CTNNA3: variants seen among roughly 807,000 people sequenced by gnomAD.
CTNNA3 encodes the protein catenin alpha-3.
Under a neutral mutation model 95.7 loss-of-function variants are expected in CTNNA3, and 76 were observed. The observed-to-expected ratio is 0.79, with a 90% CI of 0.66 to 0.96. The LOEUF (loss-of-function observed/expected upper bound fraction) is 0.96. CTNNA3 is among the 40% of genes least tolerant of loss of function. The pLI, the probability that CTNNA3 is intolerant of heterozygous loss-of-function variation, is 0.00. For synonymous variants in CTNNA3, 431 were observed against 374.4 expected (o/e 1.15, Z -1.74); for missense variants, 1,191 against 1,089.8 (o/e 1.09, Z -1.31).
chr10:66,663,576 A>G (rs4745909), intron 9 of CTNNA3, among the ~76,000 whole-genome samples: 99,043 of 151,436 alleles, frequency 0.65, 33,179 homozygotes, highest in East Asian at 0.95. Flanking sequence ...AATAAAAGCA[A>G]TTATTTTGTA....
intron 11 of CTNNA3, among the ~76,000 whole-genome samples, chr10:66,519,279 T>G (rs1358389037): frequency 6.6e-6 from 1 of 151,980 alleles, no homozygotes; most frequent in African/African-American, 2.4e-5. Flanking sequence ...TGGGATATTA[T>G]TCTAATTTGT....
rs541930822 is a variant in CTNNA3, at chr10:66,161,653, G to A, written c.1885-58404C>T. 3.9e-5 allele frequency among the ~76,000 whole-genome samples: 6 copies of A among 152,192 alleles called. No individual in the cohort carries two copies. The South Asian group carries it at 1.2e-3, about 32-fold the overall frequency. On this transcript the variant is annotated intron_variant, in intron 13 of 17. Coordinates refer to ENST00000433211, the MANE Select transcript of CTNNA3 (RefSeq NM_013266.4). The stretch of plus-strand genomic sequence containing the variant: ...AGAGTCTTTCTTTCATCTTAACTTT[G>A]TATAGCCTGATGACAATGTGCCTAG...
chr10:66,356,117 GTTTTGTTTTT>G (rs2092607194), intron 12 of CTNNA3, among the ~76,000 whole-genome samples: 1 of 104,742 alleles, frequency 9.5e-6, no homozygotes, highest in Non-Finnish European at 1.9e-5. Context: ...TTGTTTGCTT[GTTTTGTTTTT>G]TTTTTTTTTT....
intron 7 of CTNNA3, among the ~76,000 whole-genome samples, chr10:66,781,286 G>T (rs1343658934): frequency 6.6e-6 from 1 of 152,080 alleles, no homozygotes; most frequent in African/African-American, 2.4e-5. Flanking sequence ...CTTTTAAAAT[G>T]ATGCATTTTC....
chr10:66,591,392 T>C (rs554764315), intron 10 of CTNNA3, among the ~76,000 whole-genome samples: 1 of 152,216 alleles, frequency 6.6e-6, no homozygotes, highest in African/African-American at 2.4e-5. Context: ...GGTCTATCAG[T>C]GCAATTACAT....
intron 12 of CTNNA3, among the ~76,000 whole-genome samples, chr10:66,367,877 AATAATTATTATT>A (rs56163212): frequency 0.04 from 1,858 of 46,352 alleles, 21 homozygotes; most frequent in Admixed American, 0.054. Context: ...TAATAATAAT[AATAATTATTATT>A]ATTATTATTA....
Position 67,232,054 on chromosome 10 carries a change from C to T in CTNNA3, c.580-12184G>A, listed in dbSNP as rs370417515. ...GTCTGATTGGTGTACCTGAAAGTGA[C>T]GGGGAGAATGGAACCAAGTTGGAAA... On this transcript the variant is annotated intron_variant, in intron 5 of 17. Transcript: ENST00000433211. Among the ~76,000 whole-genome samples the T allele has an allele frequency of 0.013, 2,003 of 152,000 alleles. 117 individuals are homozygous for T. In the East Asian group the frequency reaches 0.19, roughly 14 times the overall value.
chr10:67,198,754 G>A lies in CTNNA3; in HGVS notation c.844-18234C>T, dbSNP rs145001435. On this transcript the variant is annotated intron_variant, in intron 6 of 17. Coordinates refer to ENST00000433211, the MANE Select transcript of CTNNA3 (RefSeq NM_013266.4). ...GACCTGTAGAAAAAATCAACTGTTC[G>A]TGCATTTTACACTGTTTGGATCTTT... is the stretch of plus-strand genomic sequence containing the variant. 2.5e-3 allele frequency among the ~76,000 whole-genome samples: 385 copies of A among 152,174 alleles called. 4 individuals are homozygous for A. The highest frequency in any genetic ancestry group is 5.7e-3 in the African/African-American group (236 of 41,520).
chr10:67,569,054 T>G (rs1047479923), intron 3 of CTNNA3, among the ~76,000 whole-genome samples: 1 of 152,184 alleles, frequency 6.6e-6, no homozygotes, highest in Non-Finnish European at 1.5e-5. Context: ...TTAACATGCA[T>G]GCATTGTGTC....
At chr10:67,162,977 A>G (rs1564933982) in intron 7 of CTNNA3, among the ~76,000 whole-genome samples, 1 of 152,114 alleles carries the variant, frequency 6.6e-6, no homozygotes, top group East Asian at 1.9e-4. Context: ...TTATTAAGGA[A>G]GTGGAATTCA....
intron 13 of CTNNA3, among the ~76,000 whole-genome samples, chr10:66,227,063 C>T (rs916513793): frequency 6.6e-6 from 1 of 152,066 alleles, no homozygotes; most frequent in South Asian, 2.1e-4. Context: ...TAGGGTCTCA[C>T]TGTGTAGCCC....
chr10:67,703,954 A>G (rs1443782299), intron 1 of CTNNA3, among the ~76,000 whole-genome samples: 1 of 152,236 alleles, frequency 6.6e-6, no homozygotes, highest in Non-Finnish European at 1.5e-5. Flanking sequence ...CAATGTACAA[A>G]AATCACAAGC....
intron 10 of CTNNA3, among the ~76,000 whole-genome samples, chr10:66,547,636 C>T (rs1842080701): frequency 6.6e-6 from 1 of 151,774 alleles, no homozygotes; most frequent in Non-Finnish European, 1.5e-5. Context: ...GCCACTGCAC[C>T]CAGCCTGATT....
intron 7 of CTNNA3, among the ~76,000 whole-genome samples, chr10:67,015,962 T>G (rs1852631531): frequency 6.6e-6 from 1 of 152,170 alleles, no homozygotes; most frequent in Non-Finnish European, 1.5e-5. Context: ...TCTGTCATTT[T>G]TTTCATTTCC....
In CTNNA3 at chr10:67,079,858, A is replaced by AACAC. The variant is rs199928311; in HGVS notation, c.1047+100455_1047+100458dup. Among the ~76,000 whole-genome samples the AACAC allele has an allele frequency of 6.4e-3, 909 of 141,322 alleles. 6 individuals are homozygous for AACAC. Among genetic ancestry groups the AACAC allele is most frequent in the East Asian group, 0.011 (51 of 4,632 alleles). 92.7% of individuals were successfully genotyped at this position (141,322 alleles called of 152,430 possible). On this transcript the variant is annotated intron_variant, in intron 7 of 17. Transcript: ENST00000433211. ...GCGAGACTCCATCTCAAAAAAACAA[A>AACAC]ACACACACACACACACACACACACA...
At chr10:65,944,356 G>T (rs887410893) in intron 17 of CTNNA3, among the ~76,000 whole-genome samples, 1 of 152,236 alleles carries the variant, frequency 6.6e-6, no homozygotes, top group South Asian at 2.1e-4. Context: ...CACCTGGCAT[G>T]GCTAGTGTTC....
chr10:66,705,697 T>C (rs1848093948), intron 9 of CTNNA3, among the ~76,000 whole-genome samples: 1 of 152,096 alleles, frequency 6.6e-6, no homozygotes, highest in African/African-American at 2.4e-5. Flanking sequence ...CCTTAACAAA[T>C]TATCTTCTTT....
intron 9 of CTNNA3, among the ~76,000 whole-genome samples, chr10:66,646,427 C>T (rs1342075619): frequency 6.6e-6 from 1 of 151,944 alleles, no homozygotes; most frequent in African/African-American, 2.4e-5. Context: ...ATAGAAGTGT[C>T]AATTTTATTA....
intron 7 of CTNNA3, among the ~76,000 whole-genome samples, chr10:67,142,389 G>A (rs775027201): frequency 1.3e-5 from 2 of 152,044 alleles, no homozygotes; most frequent in Non-Finnish European, 2.9e-5. Flanking sequence ...ATACATGTGT[G>A]TATATATCAA....
Sources: gnomAD v4.1 joint callset for allele counts (sites outside exome capture counted in the v4.1 genomes callset) on GRCh38, gnomAD v4.1.1 for gene constraint, MANE v1.5 for transcripts, NCBI Gene and HGNC (gene_info 2026-07-23, HGNC 2026-07-21) for gene names.